Variants in RALGDS observed in about 807,000 individuals in gnomAD.
The protein encoded by RALGDS is ral guanine nucleotide exchange factor.
Under a neutral mutation model 99.8 loss-of-function variants are expected in RALGDS, and 44 were observed. The ratio of observed to expected loss-of-function variants is 0.44; its 90% CI spans 0.35 to 0.57. The LOEUF (loss-of-function observed/expected upper bound fraction) is 0.57, where lower values mean the gene tolerates loss of function less well. RALGDS is among the 20% of genes least tolerant of loss of function. RALGDS has a pLI of 0.01. For missense variants in RALGDS, 1,022 were observed against 1,203.1 expected (o/e 0.85, Z 2.23); for synonymous variants, 529 against 505.0 (o/e 1.05, Z -0.64).
At position 133,128,255 on chromosome 9, in the gene RALGDS, C is replaced by T. The variant is rs1030977680; in HGVS notation, c.132+2697G>A. ...CTGAACCCAAGACCCAAAAGTGAGC[C>T]GGAGGACCACAGCGGGAGAGGGAGG... On this transcript the variant is annotated intron_variant, in intron 1 of 17. Coordinates refer to the RALGDS transcript ENST00000372062. Among the ~76,000 whole-genome samples, 19 of 152,086 alleles carry T rather than the reference C, an allele frequency of 1.2e-4. 1 individual carries two copies. The highest frequency in any genetic ancestry group is 1.3e-4 in the Non-Finnish European group (9 of 67,994).
intron 1 of RALGDS, among the ~76,000 whole-genome samples, chr9:133,136,883 G>C (rs769329193): frequency 2.0e-4 from 30 of 152,138 alleles, no homozygotes; most frequent in Non-Finnish European, 3.5e-4. Flanking sequence ...GTTGCAGTGA[G>C]CTGAGATAGC....
chr9:133,142,354 C>T lies in RALGDS; in HGVS notation c.18+6609G>A, dbSNP rs369153532. Among the ~76,000 whole-genome samples, 452 of 152,182 alleles carry T rather than the reference C, an allele frequency of 3.0e-3. 5 individuals are homozygous for T. Among genetic ancestry groups the T allele is most frequent in the African/African-American group, 0.01 (423 of 41,510 alleles). The stretch of plus-strand genomic sequence containing the variant: ...CAGCCTCAGAGTCTTCTTTTTGGGC[C>T]AGGGGTGGGTGTGCGCTGGTGGGGG... On this transcript the variant is annotated intron_variant, in intron 1 of 17. Transcript: ENST00000393160.
At chr9:133,101,430 A>G in intron 16 of RALGDS, 90 bp downstream of exon 16, 1 of 1,598,128 alleles carries the variant, frequency 6.3e-7, no homozygotes, top group Non-Finnish European at 8.5e-7. Context: ...ACTACAAGGT[A>G]GACCCCGGGA....
chr9:133,136,033 CCA>C (rs1832419879), upstream of RALGDS, among the ~76,000 whole-genome samples: 1 of 152,164 alleles, frequency 6.6e-6, no homozygotes, highest in Non-Finnish European at 1.5e-5. Flanking sequence ...TGTCTGCAGA[CCA>C]CAGAGAGGGC....
chr9:133,124,355 CACAG>C (rs572266880), upstream of RALGDS, among the ~76,000 whole-genome samples: 31 of 152,158 alleles, frequency 2.0e-4, no homozygotes, highest in African/African-American at 5.1e-4. Context: ...GATAGAGACA[CACAG>C]ACAGAGACAT....
At chr9:133,110,063 ACAGCCCCG>A (rs1444009631) in intron 3 of RALGDS, among the ~76,000 whole-genome samples, 1 of 152,170 alleles carries the variant, frequency 6.6e-6, no homozygotes, top group African/African-American at 2.4e-5. Context: ...AACGAGCACC[ACAGCCCCG>A]CAGCCCATTC....
At chr9:133,147,363 T>C (rs1371583963) in intron 1 of RALGDS, among the ~76,000 whole-genome samples, 1 of 152,228 alleles carries the variant, frequency 6.6e-6, no homozygotes, top group Non-Finnish European at 1.5e-5. Flanking sequence ...TTTTCCTTTC[T>C]GTGCCTGTTT....
intron 1 of RALGDS, among the ~76,000 whole-genome samples, chr9:133,139,213 G>A (rs149734185): frequency 1.3e-3 from 201 of 152,258 alleles, no homozygotes; most frequent in Admixed American, 2.6e-3. Context: ...GCACACAGCC[G>A]CTGCCCCTGC....
At chr9:133,147,676 A>G (rs1159582586) in intron 1 of RALGDS, among the ~76,000 whole-genome samples, 1 of 152,184 alleles carries the variant, frequency 6.6e-6, no homozygotes, top group Non-Finnish European at 1.5e-5. Flanking sequence ...TACAGTGGGC[A>G]CTGCCTCCCC....
Position 133,105,975 on chromosome 9 carries a change from G to GAGAAGATCT in RALGDS, c.1550_1558dup (p.Phe519_Ser520insTer), listed in dbSNP as rs1353180563. 1 of 1,607,252 alleles carries GAGAAGATCT rather than the reference G, an allele frequency of 6.2e-7. No individual in the cohort carries two copies. On this transcript the variant is annotated stop_gained, in exon 9 of 18. Coordinates refer to ENST00000372050, the MANE Select transcript of RALGDS (RefSeq NM_006266.4). LOFTEE classifies it high-confidence loss of function. ...GCTCAATGAGTAGTTGTTCTCATCT[G>GAGAAGATCT]AGAAGATCTCTGACAGCTTCTGAAA... is the stretch of plus-strand genomic sequence containing the variant.
At chr9:133,148,523 TA>T (rs1832663148) in intron 1 of RALGDS, among the ~76,000 whole-genome samples, 1 of 152,120 alleles carries the variant, frequency 6.6e-6, no homozygotes, top group African/African-American at 2.4e-5. Flanking sequence ...CGTCCCGTCC[TA>T]CTCTGAGCCC....
upstream of RALGDS, chr9:133,121,310 G>A (rs1347034807): frequency 2.6e-6 from 2 of 778,652 alleles, no homozygotes; most frequent in Non-Finnish European, 3.1e-6. Context: ...GGGTGGGGCC[G>A]GGGAGGGGCG....
At position 133,106,898 on chromosome 9, in the gene RALGDS, G is replaced by A. The variant is rs1159687864; in HGVS notation, c.1414-150C>T. 5 of 919,320 alleles carry A rather than the reference G, an allele frequency of 5.4e-6. No individual in the cohort carries two copies. In the East Asian group the frequency reaches 1.3e-4, roughly 24 times the overall value. 56.9% of individuals were successfully genotyped at this position (919,320 alleles called of 1,614,324 possible). On this transcript the variant is annotated intron_variant, in intron 7 of 17. Coordinates refer to ENST00000372050, the MANE Select transcript of RALGDS (RefSeq NM_006266.4). ...GCCTGCGACCCGGGGGTGACAGGAG[G>A]ATTTTAGCTCAACCCAAGGAAAGAG...
intron 1 of RALGDS, among the ~76,000 whole-genome samples, chr9:133,138,949 A>G (rs7045108): frequency 0.033 from 4,979 of 152,152 alleles, 261 homozygotes; most frequent in African/African-American, 0.11. Context: ...TAGTGCTTTA[A>G]AAAGGCAAAA....
At chr9:133,108,528 C>T in intron 5 of RALGDS, 122 bp from the exon 6 acceptor site, 2 of 1,405,238 alleles carry the variant, frequency 1.4e-6, no homozygotes, top group East Asian at 2.5e-5. Flanking sequence ...TACCAGGCCA[C>T]TCTCCTGCCT....
intron 1 of RALGDS, among the ~76,000 whole-genome samples, chr9:133,128,133 T>C (rs1319419109): frequency 1.3e-5 from 2 of 152,186 alleles, no homozygotes; most frequent in African/African-American, 4.8e-5. Flanking sequence ...TGCCTGGCAC[T>C]GTGAGGAGTC....
chr9:133,140,856 G>A (rs918212102), intron 1 of RALGDS, among the ~76,000 whole-genome samples: 3 of 151,952 alleles, frequency 2.0e-5, no homozygotes, highest in Non-Finnish European at 2.9e-5. Flanking sequence ...GGGGCTGCAC[G>A]CACCTTGGGC....
At chr9:133,107,901 G>A (rs1168471706) in intron 6 of RALGDS, 87 bp downstream of exon 6, 24 of 1,523,764 alleles carry the variant, frequency 1.6e-5, no homozygotes, top group Non-Finnish European at 2.2e-5. Context: ...CAGAACATCA[G>A]CTCTGGATCA....
exon 1 of RALGDS, chr9:133,131,010 G>C (rs547475713): frequency 6.5e-7 from 1 of 1,535,580 alleles, no homozygotes; most frequent in East Asian, 2.4e-5. Flanking sequence ...GAGGGCACAG[G>C]GCAGGGAGCA....
Sources: gnomAD v4.1 joint callset for allele counts (sites outside exome capture counted in the v4.1 genomes callset) on GRCh38, gnomAD v4.1.1 for gene constraint, MANE v1.5 for transcripts, NCBI Gene and HGNC (gene_info 2026-07-23, HGNC 2026-07-21) for gene names.